REPS1: variants seen among roughly 807,000 people sequenced by gnomAD.
REPS1 encodes the protein RALBP1 associated Eps domain containing 1, also known as ralBP1-associated Eps domain-containing protein 1.
In REPS1, 39 loss-of-function variants were observed where a neutral mutation model predicts 100.9. The ratio of observed to expected loss-of-function variants is 0.39; its 90% CI spans 0.30 to 0.50. REPS1 has a LOEUF of 0.50. REPS1 is among the 20% of genes least tolerant of loss of function. REPS1 has a pLI of 0.86. For synonymous variants in REPS1, 324 were observed against 340.3 expected (o/e 0.95, Z 0.53); for missense variants, 821 against 968.5 (o/e 0.85, Z 2.02).
intron 1 of REPS1, among the ~76,000 whole-genome samples, chr6:138,968,667 T>A (rs1784146861): frequency 6.6e-6 from 1 of 152,132 alleles, no homozygotes; most frequent in Admixed American, 6.5e-5. Flanking sequence ...AAACTTTGTA[T>A]CATGTATAAA....
At chr6:138,982,329 A>G (rs1413191679) in intron 1 of REPS1, among the ~76,000 whole-genome samples, 5 of 152,086 alleles carry the variant, frequency 3.3e-5, no homozygotes, top group Admixed American at 3.3e-4. Flanking sequence ...CTAACAAGAT[A>G]TTGCTCTACA....
chr6:138,977,252 A>G (rs755856425), intron 1 of REPS1, among the ~76,000 whole-genome samples: 2 of 152,208 alleles, frequency 1.3e-5, no homozygotes, highest in African/African-American at 2.4e-5. Flanking sequence ...CTAATCTGCT[A>G]TATCTCTATA....
intron 15 of REPS1, among the ~76,000 whole-genome samples, chr6:138,913,745 CTGT>C (rs1158535176): frequency 2.0e-5 from 3 of 152,304 alleles, no homozygotes; most frequent in African/African-American, 7.2e-5. Flanking sequence ...ACATCTACTC[CTGT>C]TGTGCTGAAC....
At chr6:138,966,745 C>G (rs994628952) in intron 1 of REPS1, among the ~76,000 whole-genome samples, 1 of 152,082 alleles carries the variant, frequency 6.6e-6, no homozygotes, top group Non-Finnish European at 1.5e-5. Flanking sequence ...GGCCGCAGAA[C>G]CAAGTTTTGA....
chr6:138,909,648 AGT>A (rs368959741), intron 17 of REPS1, among the ~76,000 whole-genome samples: 9 of 151,900 alleles, frequency 5.9e-5, no homozygotes, highest in African/African-American at 1.7e-4. Flanking sequence ...TTCTTATGAG[AGT>A]GAGGGAGTTC....
chr6:138,905,170 A>G (rs1471647974), intron 19 of REPS1, 38 bp from the exon 20 acceptor site: 3 of 1,332,080 alleles, frequency 2.3e-6, no homozygotes, highest in East Asian at 2.3e-5. Flanking sequence ...GTTTCAAAGT[A>G]TATAAAAATG....
chr6:138,937,215 C>T (rs1397293673), intron 8 of REPS1, among the ~76,000 whole-genome samples: 1 of 152,088 alleles, frequency 6.6e-6, no homozygotes, highest in African/African-American at 2.4e-5. Context: ...CCGGGTCCCT[C>T]CCACAAACAT....
intron 1 of REPS1, among the ~76,000 whole-genome samples, chr6:138,953,502 C>T (rs556046579): frequency 2.0e-5 from 3 of 151,984 alleles, no homozygotes; most frequent in African/African-American, 7.2e-5. Flanking sequence ...CAGCAAAAAA[C>T]AAAACAAAAC....
chr6:138,948,890 C>T (rs1462593680), intron 1 of REPS1, among the ~76,000 whole-genome samples: 1 of 152,130 alleles, frequency 6.6e-6, no homozygotes, highest in African/African-American at 2.4e-5. Flanking sequence ...CAATAACAGC[C>T]ATTTATTTAC....
chr6:138,949,858 G>A (rs1429117467), intron 1 of REPS1, among the ~76,000 whole-genome samples: 1 of 152,186 alleles, frequency 6.6e-6, no homozygotes, highest in African/African-American at 2.4e-5. Flanking sequence ...GTAAGTGTGT[G>A]TAGAATTGAT....
intron 1 of REPS1, among the ~76,000 whole-genome samples, chr6:138,954,285 T>C (rs1219860723): frequency 6.6e-6 from 1 of 151,952 alleles, no homozygotes; most frequent in African/African-American, 2.4e-5. Context: ...TTAACAATAA[T>C]ATATAGTTTC....
chr6:138,975,976 T>C (rs1784582115), intron 1 of REPS1, among the ~76,000 whole-genome samples: 1 of 152,226 alleles, frequency 6.6e-6, no homozygotes, highest in Non-Finnish European at 1.5e-5. Flanking sequence ...AACTGTCGTA[T>C]TCCAAAGTCT....
rs766464710 is a variant in REPS1, at chr6:138,912,888, G to A, written c.1848C>T (p.Thr616=). The change falls in exon 16 of 20, where the codon ACC becomes ACT. Residue 616 remains threonine, a synonymous_variant. Transcript: ENST00000450536. ...GTTGCTCTGGTATCTGCTGAGGTGA[G>A]GTACTAGTGTGAGTTATGAGGCCAT... is the stretch of plus-strand genomic sequence containing the variant. ...DADGLITHTS[T]SPQQIPEQPN... is the part of the protein sequence containing the mutation. 6.2e-6 allele frequency: 10 copies of A among 1,614,128 alleles called. No homozygotes were observed. The highest frequency in any genetic ancestry group is 7.6e-6 in the Non-Finnish European group (9 of 1,180,002).
At chr6:138,942,125 G>A (rs927943033) in intron 7 of REPS1, among the ~76,000 whole-genome samples, 10 of 152,082 alleles carry the variant, frequency 6.6e-5, no homozygotes, top group African/African-American at 1.7e-4. Context: ...GATTACAAGC[G>A]TGAGCCACCG....
chr6:138,979,042 G>C (rs557830133), intron 1 of REPS1, among the ~76,000 whole-genome samples: 1 of 151,936 alleles, frequency 6.6e-6, no homozygotes, highest in Non-Finnish European at 1.5e-5. Flanking sequence ...TCAGCCAGGC[G>C]TGGTGGTAGG....
intron 1 of REPS1, among the ~76,000 whole-genome samples, chr6:138,950,213 C>A (rs1270745485): frequency 6.6e-6 from 1 of 152,084 alleles, no homozygotes; most frequent in East Asian, 1.9e-4. Flanking sequence ...GTGGTTCATG[C>A]CTGTAATTGC....
At position 138,917,576 on chromosome 6, in the gene REPS1, C is replaced by G. The variant is rs766884413; in HGVS notation, c.1580G>C (p.Gly527Ala). Reference protein sequence around the residue: ...DSFTSDPEQIGSNVTRQRSHS... With the variant: ...DSFTSDPEQIASNVTRQRSHS... ...TGACCTTTGACGAGTTACATTGCTC[C>G]CGATCTGTTCTGGGTCAGAAGTAAA... The change falls in exon 13 of 20, where the codon GGG becomes GCG. Residue 527 changes from glycine to alanine, a missense_variant. Transcript: ENST00000450536. The G allele has an allele frequency of 1.4e-5, 23 of 1,613,434 alleles. 1 individual carries two copies. In the South Asian group the frequency reaches 2.3e-4, roughly 16 times the overall value.
At chr6:138,950,771 T>A (rs1383188052) in intron 1 of REPS1, among the ~76,000 whole-genome samples, 2 of 152,336 alleles carry the variant, frequency 1.3e-5, no homozygotes, top group South Asian at 2.1e-4. Context: ...TTTGTCAGAA[T>A]AAACTGAGAT....
intron 1 of REPS1, among the ~76,000 whole-genome samples, chr6:138,972,396 G>C (rs2128503191): frequency 6.6e-6 from 1 of 152,286 alleles, no homozygotes; most frequent in South Asian, 2.1e-4. Context: ...AAACAAGCCT[G>C]TGAGATGTAG....
Sources: gnomAD v4.1 joint callset for allele counts (sites outside exome capture counted in the v4.1 genomes callset) on GRCh38, gnomAD v4.1.1 for gene constraint, MANE v1.5 for transcripts, NCBI Gene and HGNC (gene_info 2026-07-23, HGNC 2026-07-21) for gene names.